Variants in JAZF1 observed in about 807,000 individuals in gnomAD.
The protein encoded by JAZF1 is JAZF zinc finger 1, also known as juxtaposed with another zinc finger protein 1.
Under a neutral mutation model 26.4 loss-of-function variants are expected in JAZF1, and 8 were observed. That is an observed-to-expected ratio of 0.30 (90% confidence interval 0.18 to 0.55). The LOEUF (loss-of-function observed/expected upper bound fraction) is 0.55. Among genes scored for constraint, JAZF1 ranks in the 20% least tolerant of loss-of-function variants. The pLI is 0.94. For missense variants in JAZF1, 199 were observed against 322.0 expected (o/e 0.62, Z 2.92); for synonymous variants, 126 against 122.3 (o/e 1.03, Z -0.20).
chr7:28,043,601 G>A (rs968533939), intron 1 of JAZF1, among the ~76,000 whole-genome samples: 2 of 152,192 alleles, frequency 1.3e-5, no homozygotes, highest in Admixed American at 6.5e-5. Context: ...AAAGTTGAAC[G>A]TAGAATTACC....
chr7:27,931,068 C>T (rs79400406), intron 2 of JAZF1, among the ~76,000 whole-genome samples: 3,026 of 152,250 alleles, frequency 0.02, 93 homozygotes, highest in African/African-American at 0.061. Flanking sequence ...TTTCTCAGTG[C>T]AGTAATTACA....
At chr7:28,148,547 T>C (rs1783061879) in intron 1 of JAZF1, among the ~76,000 whole-genome samples, 1 of 152,228 alleles carries the variant, frequency 6.6e-6, no homozygotes. Flanking sequence ...GGTTTAGTCT[T>C]TGGACTTTTA....
At chr7:28,040,543 G>C (rs1340823856) in intron 1 of JAZF1, among the ~76,000 whole-genome samples, 2 of 152,114 alleles carry the variant, frequency 1.3e-5, no homozygotes, top group Non-Finnish European at 2.9e-5. Context: ...TCAGAGAGAG[G>C]GATACACGGT....
At chr7:27,852,980 T>C (rs993226213) in intron 3 of JAZF1, among the ~76,000 whole-genome samples, 5 of 152,178 alleles carry the variant, frequency 3.3e-5, no homozygotes, top group African/African-American at 9.6e-5. Context: ...AAAGTTATAA[T>C]TGCATGCAGT....
intron 3 of JAZF1, among the ~76,000 whole-genome samples, chr7:27,845,712 A>AG (rs1783016132): frequency 1.6e-5 from 1 of 61,880 alleles, no homozygotes; most frequent in Non-Finnish European, 3.1e-5. Flanking sequence ...AAAAAAAAAA[A>AG]AAGAAAAGAA....
At chr7:27,841,585 C>T (rs971730084) in intron 3 of JAZF1, 1 of 152,206 alleles carries the variant, frequency 6.6e-6, no homozygotes, top group Non-Finnish European at 1.5e-5. Flanking sequence ...TGCGACACTT[C>T]CTGCTAGGGC....
intron 1 of JAZF1, among the ~76,000 whole-genome samples, chr7:28,129,991 T>C (rs1388722573): frequency 6.6e-6 from 1 of 152,182 alleles, no homozygotes; most frequent in East Asian, 1.9e-4. Context: ...AAACAGGAAC[T>C]ACTGATTTTT....
At chr7:27,905,429 TTC>T (rs1037898402) in intron 2 of JAZF1, among the ~76,000 whole-genome samples, 1 of 72,530 alleles carries the variant, frequency 1.4e-5, no homozygotes, top group Non-Finnish European at 3.1e-5. Context: ...GTTCATTTCT[TTC>T]TTTCTTTTTT....
At chr7:27,844,793 G>A (rs1027947626) in intron 3 of JAZF1, among the ~76,000 whole-genome samples, 1 of 152,170 alleles carries the variant, frequency 6.6e-6, no homozygotes, top group Non-Finnish European at 1.5e-5. Flanking sequence ...GGGCTCCAAC[G>A]GGGCACATCA....
chr7:28,117,082 C>T (rs1583569443), intron 1 of JAZF1, among the ~76,000 whole-genome samples: 2 of 152,130 alleles, frequency 1.3e-5, no homozygotes, highest in East Asian at 3.9e-4. Flanking sequence ...CCTTGGCCTT[C>T]AATGAATAAG....
At chr7:27,926,637 G>C (rs888644026) in intron 2 of JAZF1, among the ~76,000 whole-genome samples, 18 of 152,170 alleles carry the variant, frequency 1.2e-4, no homozygotes, top group African/African-American at 4.3e-4. Context: ...TACAAATGTT[G>C]TGTGAATCTC....
chr7:27,866,224 A>C (rs1243921697), intron 3 of JAZF1, among the ~76,000 whole-genome samples: 1 of 152,216 alleles, frequency 6.6e-6, no homozygotes, highest in Non-Finnish European at 1.5e-5. Context: ...AGACACTACA[A>C]TTTCTATATG....
At chr7:27,942,102 C>CAG (rs1428492034) in intron 2 of JAZF1, among the ~76,000 whole-genome samples, 1 of 152,222 alleles carries the variant, frequency 6.6e-6, no homozygotes. Flanking sequence ...AAACACCTAG[C>CAG]AGAGTGCTAT....
chr7:27,974,283 A>G (rs780538519), intron 2 of JAZF1, among the ~76,000 whole-genome samples: 2 of 152,160 alleles, frequency 1.3e-5, no homozygotes, highest in Non-Finnish European at 2.9e-5. Flanking sequence ...CGGAACAAAT[A>G]CAGATAGAAA....
intron 1 of JAZF1, among the ~76,000 whole-genome samples, chr7:28,063,638 G>A (rs1376605634): frequency 6.6e-6 from 1 of 152,070 alleles, no homozygotes; most frequent in Non-Finnish European, 1.5e-5. Context: ...GCTCTTAATT[G>A]TAAAAGCTAA....
intron 2 of JAZF1, 122 bp downstream of exon 2, chr7:27,991,783 TTAAA>T: frequency 1.6e-6 from 1 of 631,948 alleles, no homozygotes; most frequent in Non-Finnish European, 2.8e-6. Flanking sequence ...CAGGTTGCTT[TTAAA>T]TAGTTTCATG....
chr7:28,033,049 T>C (rs927501975), intron 1 of JAZF1, among the ~76,000 whole-genome samples: 2 of 152,102 alleles, frequency 1.3e-5, no homozygotes, highest in East Asian at 1.9e-4. Context: ...ACCTTGCAAA[T>C]TGAATTTAAC....
intron 1 of JAZF1, among the ~76,000 whole-genome samples, chr7:28,142,269 G>C (rs974995293): frequency 1.3e-5 from 2 of 152,090 alleles, no homozygotes; most frequent in Non-Finnish European, 2.9e-5. Context: ...TCAGAATCCA[G>C]TATTTTTGGT....
chr7:28,084,540 A>C (rs1784184498), intron 1 of JAZF1, among the ~76,000 whole-genome samples: 1 of 152,224 alleles, frequency 6.6e-6, no homozygotes. Context: ...TTGCTCTCAC[A>C]AACTTGTAGA....
Sources: allele counts gnomAD v4.1 joint callset (sites outside exome capture counted in the v4.1 genomes callset), GRCh38; gene constraint gnomAD v4.1.1; transcripts MANE v1.5; gene names NCBI Gene and HGNC (gene_info 2026-07-23, HGNC 2026-07-21).